CAP1: variants seen among roughly 807,000 people sequenced by gnomAD.
CAP1 encodes cyclase associated actin cytoskeleton regulatory protein 1.
A neutral mutation model predicts 58.2 loss-of-function variants in CAP1; 11 were observed. The ratio of observed to expected loss-of-function variants is 0.19; its 90% confidence interval spans 0.12 to 0.31. The LOEUF (loss-of-function observed/expected upper bound fraction) is 0.31. CAP1 is among the 10% of genes least tolerant of loss of function. CAP1 has a pLI of 1.00. For synonymous variants in CAP1, 183 were observed against 213.8 expected, an observed-to-expected ratio of 0.86 and a Z score of 1.26; for missense variants, 423 against 587.5, an observed-to-expected ratio of 0.72 and a Z score of 2.89.
intron 1 of CAP1, among the ~76,000 whole-genome samples, chr1:40,048,079 C>G (rs372984997): frequency 1.3e-5 from 2 of 150,780 alleles, no homozygotes; most frequent in East Asian, 3.9e-4. Context: ...TGGTGTCTTG[C>G]TCTGTCTTGG....
At chr1:40,052,425 G>T (rs1432522318) in intron 1 of CAP1, among the ~76,000 whole-genome samples, 1 of 152,144 alleles carries the variant, frequency 6.6e-6, no homozygotes, top group East Asian at 1.9e-4. Context: ...AAGTAGTTGG[G>T]AATCCGGACA....
At chr1:40,044,188 G>C (rs1645974198) in intron 1 of CAP1, among the ~76,000 whole-genome samples, 1 of 151,990 alleles carries the variant, frequency 6.6e-6, no homozygotes, top group Non-Finnish European at 1.5e-5. Context: ...TCTTGAGGCT[G>C]AGTTAGAGAC....
chr1:40,066,114 C>T (rs1341918546), intron 6 of CAP1, 101 bp from the exon 7 acceptor site: 3 of 691,434 alleles, frequency 4.3e-6, no homozygotes, highest in Non-Finnish European at 7.9e-6. Flanking sequence ...TAAGAAACAC[C>T]ACGGGTAGGA....
chr1:40,072,263 A>C lies in CAP1; in HGVS notation c.*730A>C, dbSNP rs1648191035. The C allele has an allele frequency of 6.8e-6, 2 of 295,660 alleles. No individual in the cohort carries two copies. Among genetic ancestry groups the C allele is most frequent in the Non-Finnish European group, 1.1e-5 (2 of 174,778 alleles). The allele number at this position is 295,660 out of a possible 1,614,324, so 18.3% of individuals were successfully genotyped here. On this transcript the variant is annotated 3_prime_UTR_variant, in exon 13 of 13. Transcript: ENST00000372805. ...GATGACTTTAAAAGGAAAAAAAAAA[A>C]AAAAAAAACCCACATGATTTCAAGG...
chr1:40,047,252 C>T (rs1333241891), intron 1 of CAP1, among the ~76,000 whole-genome samples: 2 of 152,164 alleles, frequency 1.3e-5, no homozygotes, highest in African/African-American at 4.8e-5. Flanking sequence ...AATGCAGCTA[C>T]AGCATTCACC....
rs753240695 is a variant in CAP1 at position 40,067,542 on chromosome 1, G to A, written c.633G>A (p.Gly211=). 6 of 1,608,570 alleles carry A rather than the reference G, an allele frequency of 3.7e-6. No individual in the cohort carries two copies. The East Asian group carries it at 6.7e-5, about 18-fold the overall frequency. The change falls in exon 8 of 13, where the codon GGG becomes GGA. Residue 211 remains glycine, a splice_region_variant and synonymous_variant. Transcript: ENST00000372805. ...HTTGLAWSKT[G]PVAKELSGLP... Reference sequence around the variant, plus strand: ...GTTACCTGCACTTATTGTTCCAGGGGCCTGTGGCAAAAGAACTGAGCGGAC... The same window carrying A: ...GTTACCTGCACTTATTGTTCCAGGGACCTGTGGCAAAAGAACTGAGCGGAC...
At chr1:40,062,668 A>G (rs561254175) in intron 4 of CAP1, among the ~76,000 whole-genome samples, 1 of 152,140 alleles carries the variant, frequency 6.6e-6, no homozygotes, top group African/African-American at 2.4e-5. Flanking sequence ...GAGAGGCTGA[A>G]ATGGGAGGAA....
In CAP1 at chr1:40,071,774, G is replaced by A; in HGVS notation, c.*241G>A. ...CCATATCAGCTCAACCACGCCGCCA[G>A]TCCATTCTTAAGGAACTGCCGACTA... On this transcript the variant is annotated 3_prime_UTR_variant, in exon 13 of 13. Coordinates refer to ENST00000372805, the MANE Select transcript of CAP1 (RefSeq NM_006367.4). The A allele has an allele frequency of 1.8e-6, 1 of 547,762 alleles. No homozygotes were observed. The highest frequency in any genetic ancestry group is 1.9e-5 in the African/African-American group (1 of 53,070). The allele number at this position is 547,762 out of a possible 1,614,324, so 33.9% of individuals were successfully genotyped here. A position where few individuals can be genotyped will look rare whatever the true frequency, so the allele number is the denominator to read the frequency against.
At chr1:40,053,452 GC>G (rs1331241312) in intron 1 of CAP1, among the ~76,000 whole-genome samples, 1 of 151,908 alleles carries the variant, frequency 6.6e-6, no homozygotes, top group Non-Finnish European at 1.5e-5. Flanking sequence ...TTGACCTCTG[GC>G]AAGTTTTTTT....
intron 1 of CAP1, among the ~76,000 whole-genome samples, chr1:40,048,774 C>T (rs185770950): frequency 2.0e-4 from 31 of 152,240 alleles, no homozygotes; most frequent in Admixed American, 7.2e-4. Flanking sequence ...CAAACATCTC[C>T]ATGCTTATCA....
rs1453523123 is a variant in CAP1 at position 40,072,095 on chromosome 1, T to C, written c.*562T>C. ...TCCTATAAGCATTCCTTTTATTCTCTATTCTATCCTGGGTCTGCCTCAACC... is the reference window on the plus strand; with the variant it reads ...TCCTATAAGCATTCCTTTTATTCTCCATTCTATCCTGGGTCTGCCTCAACC... On this transcript the variant is annotated 3_prime_UTR_variant, in exon 13 of 13. Transcript: ENST00000372805. 1.2e-5 allele frequency: 5 copies of C among 401,770 alleles called. No homozygotes were observed. The highest frequency in any genetic ancestry group is 8.2e-5 in the African/African-American group (4 of 48,616). 24.9% of individuals were successfully genotyped at this position (401,770 alleles called of 1,614,324 possible). A position where few individuals can be genotyped will look rare whatever the true frequency, so the allele number is the denominator to read the frequency against.
chr1:40,056,355 G>A lies in CAP1; in HGVS notation c.-10-2982G>A, dbSNP rs181938910. On this transcript the variant is annotated intron_variant, in intron 1 of 12. Transcript: ENST00000372805. ...TCTGTCACCCAGGCTGGAGTGCATG[G>A]TACAATCACTACTCATTGCATCCTC... 3.4e-3 allele frequency among the ~76,000 whole-genome samples: 508 copies of A among 151,120 alleles called. 2 individuals are homozygous for A. Among genetic ancestry groups the A allele is most frequent in the Middle Eastern group, 0.01 (3 of 292 alleles).
At chr1:40,058,795 C>T (rs969980471) in intron 1 of CAP1, among the ~76,000 whole-genome samples, 1 of 151,972 alleles carries the variant, frequency 6.6e-6, no homozygotes, top group Admixed American at 6.6e-5. Context: ...ATGCAGGCAG[C>T]AGGATGTTGT....
intron 1 of CAP1, among the ~76,000 whole-genome samples, chr1:40,049,130 A>C (rs1265902394): frequency 1.3e-5 from 2 of 150,766 alleles, no homozygotes; most frequent in Non-Finnish European, 3.0e-5. Context: ...AGTTGTTAGA[A>C]GTATAAGAGT....
upstream of CAP1, chr1:40,040,332 T>G (rs2124077345): frequency 6.6e-6 from 1 of 151,872 alleles, no homozygotes; most frequent in South Asian, 2.1e-4. Flanking sequence ...CTTTACGGAC[T>G]GCAGCTTAAA....
At chr1:40,040,854 C>G (rs1210509976) in intron 1 of CAP1, 53 bp downstream of exon 1, 1 of 152,918 alleles carries the variant, frequency 6.5e-6, no homozygotes, top group Non-Finnish European at 1.5e-5. Flanking sequence ...GCCCATCGGC[C>G]CCTGGTGGTG....
intron 1 of CAP1, among the ~76,000 whole-genome samples, chr1:40,046,661 A>G (rs1318464165): frequency 2.0e-5 from 3 of 152,122 alleles, no homozygotes; most frequent in Non-Finnish European, 4.4e-5. Flanking sequence ...AATTTAGATG[A>G]TACTGCACAT....
At chr1:40,070,651 A>G in intron 11 of CAP1, 139 bp downstream of exon 11, 1 of 933,250 alleles carries the variant, frequency 1.1e-6, no homozygotes, top group Non-Finnish European at 1.7e-6. Context: ...GTGGCAGAAG[A>G]AGGGTTGGCT....
chr1:40,060,240 A>T, intron 3 of CAP1, 70 bp downstream of exon 3: 1 of 1,146,240 alleles, frequency 8.7e-7, no homozygotes, highest in Non-Finnish European at 1.3e-6. Flanking sequence ...CAAGGTCCTC[A>T]TCCTTGGTTT....
Sources: gnomAD v4.1 joint callset for allele counts (sites outside exome capture counted in the v4.1 genomes callset) on GRCh38, gnomAD v4.1.1 for gene constraint, MANE v1.5 for transcripts, NCBI Gene and HGNC (gene_info 2026-07-23, HGNC 2026-07-21) for gene names.